Variants in RYK observed in about 807,000 individuals in gnomAD.
The protein encoded by RYK is receptor like tyrosine kinase, also known as inactive tyrosine-protein kinase RYK.
RYK carries 21 observed loss-of-function variants against 70.2 expected under a neutral mutation model. The ratio of observed to expected loss-of-function variants is 0.30; its 90% confidence interval spans 0.21 to 0.43. The LOEUF is 0.43. RYK is among the 20% of genes least tolerant of loss of function. The pLI, the probability that RYK is intolerant of heterozygous loss-of-function variation, is 1.00. For synonymous variants in RYK, 267 were observed against 278.0 expected (o/e 0.96, Z 0.39); for missense variants, 604 against 753.3 (o/e 0.80, Z 2.32).
chr3:134,240,688 T>G (rs1347044204), intron 1 of RYK, among the ~76,000 whole-genome samples: 1 of 152,184 alleles, frequency 6.6e-6, no homozygotes, highest in Non-Finnish European at 1.5e-5. Flanking sequence ...GTGTACCCAT[T>G]AAGCTTTTCA....
At chr3:134,207,269 G>T (rs1004527943) in intron 5 of RYK, among the ~76,000 whole-genome samples, 1 of 152,056 alleles carries the variant, frequency 6.6e-6, no homozygotes, top group Non-Finnish European at 1.5e-5. Context: ...TACAAAATAC[G>T]TATAAATTTT....
intron 5 of RYK, among the ~76,000 whole-genome samples, chr3:134,206,895 T>C (rs2014228115): frequency 6.6e-6 from 1 of 151,972 alleles, no homozygotes; most frequent in Non-Finnish European, 1.5e-5. Flanking sequence ...AAAGTCTACT[T>C]GCATGAAGAG....
intron 1 of RYK, among the ~76,000 whole-genome samples, chr3:134,230,102 C>T (rs532857452): frequency 7.9e-5 from 12 of 152,240 alleles, no homozygotes; most frequent in Middle Eastern, 3.4e-3. Context: ...ATCCCTCCCC[C>T]GAACGTTTTT....
At position 134,250,513 on chromosome 3, in the gene RYK, G is replaced by C. The variant is rs536406334; in HGVS notation, c.142C>G (p.Pro48Ala). 1.6e-5 allele frequency: 20 copies of C among 1,240,990 alleles called. 1 individual carries two copies. The highest frequency in any genetic ancestry group is 6.3e-5 in the South Asian group (2 of 31,872). The allele number at this position is 1,240,990 out of a possible 1,614,324, so 76.9% of individuals were successfully genotyped here. ...LLPAPGAAAA[P>A]APRPPELQSA... ...TGCAGCTCCGGGGGCCGCGGGGCGG[G>C]GGCGGCGGCAGCGCCAGGCGCGGGC... Residue 48 changes from proline to alanine, a missense_variant, in exon 1 of 15, where the codon CCC (proline) becomes GCC (alanine). By Grantham distance (27) the Pro-to-Ala change is conservative (BLOSUM62 -1). This residue lies in a region of RYK where 466 missense variants were observed against 535.9 expected (regional missense o/e 0.87). Coordinates refer to ENST00000623711, the MANE Select transcript of RYK (RefSeq NM_002958.4).
intron 1 of RYK, among the ~76,000 whole-genome samples, chr3:134,247,281 T>C (rs797013961): frequency 3.3e-5 from 5 of 152,252 alleles, no homozygotes; most frequent in African/African-American, 1.2e-4. Flanking sequence ...TATTCTACAT[T>C]GATTTAGAAT....
chr3:134,243,422 G>A (rs1182680460), intron 1 of RYK, among the ~76,000 whole-genome samples: 1 of 151,964 alleles, frequency 6.6e-6, no homozygotes, highest in African/African-American at 2.4e-5. Flanking sequence ...TTTTCACTGG[G>A]GCCAAAGTTA....
intron 5 of RYK, among the ~76,000 whole-genome samples, chr3:134,203,321 G>A (rs1022297991): frequency 6.6e-5 from 10 of 152,104 alleles, no homozygotes; most frequent in Admixed American, 6.5e-5. Context: ...GTACTCCAGC[G>A]TGGGCGACAG....
Position 134,250,478 on chromosome 3 carries a change from G to A in RYK, c.177C>T (p.Ser59=). 1.5e-6 allele frequency: 2 copies of A among 1,359,574 alleles called. No homozygotes were observed. The highest frequency in any genetic ancestry group is 1.9e-6 in the Non-Finnish European group (2 of 1,050,810). The allele number at this position is 1,359,574 out of a possible 1,614,324, so 84.2% of individuals were successfully genotyped here. ...APRPPELQSA[S]AGPSVSLYLS... The stretch of plus-strand genomic sequence containing the variant: ...GGTAGAGACTCACGCTGGGCCCCGC[G>A]GAAGCCGACTGCAGCTCCGGGGGCC... The change falls in exon 1 of 15, where the codon TCC becomes TCT. Residue 59 remains serine (S), a synonymous_variant. Transcript: ENST00000623711.
intron 9 of RYK, among the ~76,000 whole-genome samples, chr3:134,186,149 G>T (rs2108160398): frequency 6.6e-6 from 1 of 152,228 alleles, no homozygotes; most frequent in African/African-American, 2.4e-5. Context: ...AAGAAAATAA[G>T]AACTTAATAC....
chr3:134,229,294 TTCTCTC>T (rs34305748), intron 1 of RYK, among the ~76,000 whole-genome samples: 11 of 143,832 alleles, frequency 7.6e-5, no homozygotes, highest in Admixed American at 1.4e-4. Flanking sequence ...CTCTACTGCC[TTCTCTC>T]TCTCTCTCTC....
At chr3:134,176,214 A>T (rs963283854) in intron 11 of RYK, among the ~76,000 whole-genome samples, 175 bp from the exon 12 acceptor site, 2 of 152,170 alleles carry the variant, frequency 1.3e-5, no homozygotes, top group Non-Finnish European at 2.9e-5. Context: ...CCCTATACTT[A>T]TATCAACTGT....
At chr3:134,231,176 A>G (rs1324211157) in intron 1 of RYK, among the ~76,000 whole-genome samples, 2 of 151,424 alleles carry the variant, frequency 1.3e-5, no homozygotes, top group African/African-American at 2.4e-5. Context: ...AAGTACCTGT[A>G]AGCAGCCAGA....
At chr3:134,168,366 C>G (rs770809328) in intron 13 of RYK, among the ~76,000 whole-genome samples, 1 of 152,134 alleles carries the variant, frequency 6.6e-6, no homozygotes, top group Non-Finnish European at 1.5e-5. Context: ...GACTTGGAAC[C>G]AACCCAAATG....
At chr3:134,191,738 A>G in intron 8 of RYK, 111 bp downstream of exon 8, 1 of 821,220 alleles carries the variant, frequency 1.2e-6, no homozygotes, top group Non-Finnish European at 1.8e-6. Context: ...ACTGCTTCCT[A>G]TCCTTATCTT....
chr3:134,223,724 C>T (rs1254483558), intron 1 of RYK, among the ~76,000 whole-genome samples: 1 of 152,066 alleles, frequency 6.6e-6, no homozygotes, highest in African/African-American at 2.4e-5. Context: ...AAGTTCTATC[C>T]AGGTGTCCCT....
chr3:134,234,801 T>C, intron 1 of RYK, among the ~76,000 whole-genome samples: 1 of 152,094 alleles, frequency 6.6e-6, no homozygotes, highest in Non-Finnish European at 1.5e-5. Context: ...GATGAAGGTA[T>C]AATAATCATG....
Position 134,184,921 on chromosome 3 carries a change from G to T in RYK, c.1103-1850C>A, listed in dbSNP as rs1281720249. 2.9e-5 allele frequency among the ~76,000 whole-genome samples: 4 copies of T among 138,596 alleles called. No homozygotes were observed. The Admixed American group carries it at 3.1e-4, about 11-fold the overall frequency. 90.9% of individuals were successfully genotyped at this position (138,596 alleles called of 152,430 possible). On this transcript the variant is annotated intron_variant, in intron 9 of 14. Coordinates refer to ENST00000623711, the MANE Select transcript of RYK (RefSeq NM_002958.4). ...GTAGTAAAAACAGCAATAATAATTT[G>T]TAAAGCTCAGGCTGGCAACATGGTG...
At chr3:134,185,908 T>C (rs944985095) in intron 9 of RYK, among the ~76,000 whole-genome samples, 1 of 152,172 alleles carries the variant, frequency 6.6e-6, no homozygotes, top group Non-Finnish European at 1.5e-5. Context: ...AAAACTCAAT[T>C]AAAGATAAAA....
chr3:134,235,632 A>G (rs2015181456), intron 1 of RYK, among the ~76,000 whole-genome samples: 1 of 152,182 alleles, frequency 6.6e-6, no homozygotes, highest in South Asian at 2.1e-4. Flanking sequence ...CAGGGGCTAG[A>G]TAACCTAGTT....
Sources: allele counts gnomAD v4.1 joint callset (sites outside exome capture counted in the v4.1 genomes callset), GRCh38; gene constraint gnomAD v4.1.1; regional missense constraint gnomAD v4.1.1; transcripts MANE v1.5; gene names NCBI Gene and HGNC (gene_info 2026-07-23, HGNC 2026-07-21).